Variants in PRAMEF14 observed in about 807,000 individuals in gnomAD.
The protein encoded by PRAMEF14 is PRAME family member 14.
PRAMEF14 carries 24 observed loss-of-function variants against 38.3 expected under a neutral mutation model. The observed-to-expected ratio is 0.63, with a 90% confidence interval of 0.45 to 0.88. The LOEUF is 0.88. PRAMEF14 is among the 40% of genes least tolerant of loss of function. PRAMEF14 has a pLI of 0.00. For synonymous variants in PRAMEF14, 194 were observed against 226.4 expected (o/e 0.86, Z 1.29); for missense variants, 477 against 570.8 (o/e 0.84, Z 1.67).
chr1:13,347,024 G>A (rs1227902872), intron 1 of PRAMEF14, 33 bp downstream of exon 1: 2 of 150,234 alleles, frequency 1.3e-5, no homozygotes, highest in Admixed American at 6.6e-5. Context: ...CTGCTGATCA[G>A]ATGGGCATGA....
rs780609214 is a variant in PRAMEF14, at chr1:13,342,483, T to A, written c.*45A>T. ...TAGTAGATTTTAGTGTCCCAGTGCCTGGAAGAGAACTTTGGATTTCTCTAC... is the reference window on the plus strand; with the variant it reads ...TAGTAGATTTTAGTGTCCCAGTGCCAGGAAGAGAACTTTGGATTTCTCTAC... On this transcript the variant is annotated 3_prime_UTR_variant, in exon 4 of 4. Transcript: ENST00000334600. 3.5e-5 allele frequency: 56 copies of A among 1,603,048 alleles called. 1 individual carries two copies. The highest frequency in any genetic ancestry group is 4.8e-5 in the Non-Finnish European group (56 of 1,175,478).
At position 13,342,714 on chromosome 1, in the gene PRAMEF14, A is replaced by G; in HGVS notation, c.1239T>C (p.Pro413=). The part of the protein sequence containing the change: ...GLSKLSLETY[P]APEESLNSLV... ...AGGAATTCAAACTCTCCTCAGGGGC[A>G]GGATACGTCTCCAGGCTTAACTTGC... is the stretch of plus-strand genomic sequence containing the variant. Residue 413 remains proline, a synonymous_variant, in exon 4 of 4, where the codon CCT becomes CCC. Coordinates refer to ENST00000334600, the MANE Select transcript of PRAMEF14 (RefSeq NM_001024661.2). The G allele has an allele frequency of 1.9e-6, 3 of 1,605,316 alleles. 1 individual carries two copies. The highest frequency in any genetic ancestry group is 2.5e-6 in the Non-Finnish European group (3 of 1,178,050).
In PRAMEF14 at chr1:13,342,898, T is replaced by C. The variant is rs1158301877; in HGVS notation, c.1055A>G (p.Glu352Gly). 1.4e-5 allele frequency: 22 copies of C among 1,607,796 alleles called. No individual in the cohort carries two copies. Among genetic ancestry groups the C allele is most frequent in the Non-Finnish European group, 1.9e-5 (22 of 1,178,168 alleles). Residue 352 changes from glutamate (E) to glycine (G), a missense_variant, in exon 4 of 4, where the codon GAA (glutamate) becomes GGA (glycine). Around this residue, in one of 4 missense-constraint regions of PRAMEF14, gnomAD observed 34 missense variants for 66.1 expected, o/e 0.51. Transcript: ENST00000334600. ...ALLEKIAASL[E>G]TLILEGCQIH... ...CTGACAGCCCTCCAAGATGAGGGTT[T>C]CGAGAGAGGCAGCAATTTTCTCTAG...
chr1:13,346,824 T>C (rs1416282104), intron 1 of PRAMEF14, among the ~76,000 whole-genome samples: 1 of 150,378 alleles, frequency 6.6e-6, no homozygotes, highest in African/African-American at 2.4e-5. Flanking sequence ...ATTTTTAATA[T>C]ATTTTTAAAA....
intron 1 of PRAMEF14, among the ~76,000 whole-genome samples, chr1:13,345,990 C>T (rs1251168327): frequency 3.3e-5 from 5 of 150,844 alleles, no homozygotes; most frequent in Admixed American, 2.6e-4. Context: ...AAAATGTTAG[C>T]CAGGTGTGGT....
chr1:13,343,959 G>A (rs1640366135), intron 3 of PRAMEF14, 79 bp downstream of exon 3: 1 of 1,594,560 alleles, frequency 6.3e-7, no homozygotes, highest in Non-Finnish European at 8.6e-7. Flanking sequence ...CTGGCACACA[G>A]TACACGCCTT....
At chr1:13,344,945 C>T (rs1353287209) in intron 2 of PRAMEF14, 83 bp downstream of exon 2, 8 of 1,523,930 alleles carry the variant, frequency 5.2e-6, no homozygotes, top group Non-Finnish European at 7.2e-6. Flanking sequence ...CTGGGCCACA[C>T]TTGGGCTACT....
chr1:13,346,506 T>A (rs1640406849), intron 1 of PRAMEF14, among the ~76,000 whole-genome samples: 2 of 149,060 alleles, frequency 1.3e-5, no homozygotes, highest in South Asian at 4.3e-4. Flanking sequence ...AAACTCCATC[T>A]CAAAAACTGT....
In PRAMEF14 at chr1:13,344,187, G is replaced by C; in HGVS notation, c.717C>G (p.Phe239Leu). Residue 239 changes from phenylalanine (F) to leucine (L), a missense_variant, in exon 3 of 4, where the codon TTC (phenylalanine) becomes TTG (leucine). Around this residue, in one of 4 missense-constraint regions of PRAMEF14, gnomAD observed 234 missense variants for 247.4 expected, o/e 0.95. Coordinates refer to ENST00000334600, the MANE Select transcript of PRAMEF14 (RefSeq NM_001024661.2). Reference protein sequence around the residue: ...KEMKNLRKLVFSRCHHSMSDN... With the variant: ...KEMKNLRKLVLSRCHHSMSDN... ...CTGACATGGAATGATGGCACCTGGAGAAAACGAGTTTGCGAAGATTCTTCA... is the reference window on the plus strand; with the variant it reads ...CTGACATGGAATGATGGCACCTGGACAAAACGAGTTTGCGAAGATTCTTCA... The C allele has an allele frequency of 6.2e-7, 1 of 1,608,302 alleles. No individual in the cohort carries two copies. Among genetic ancestry groups the C allele is most frequent in the African/African-American group, 1.3e-5 (1 of 74,860 alleles).
In PRAMEF14 at chr1:13,344,512, T is replaced by C; in HGVS notation, c.392A>G (p.Lys131Arg). 6.2e-7 allele frequency: 1 copy of C among 1,607,364 alleles called. No individual in the cohort carries two copies. Among genetic ancestry groups the C allele is most frequent in the Admixed American group, 1.7e-5 (1 of 59,830 alleles). Residue 131 changes from lysine to arginine, a missense_variant, in exon 3 of 4, where the codon AAG (lysine) becomes AGG (arginine). Transcript: ENST00000334600. ...TGGACAGTCCTCTGCTGTCTGCCTC[T>C]TACTCATGGTCTCTGGGAAGCAGGA... ...ALSCFPETMS[K>R]RQTAEDCPRM... is the part of the protein sequence containing the mutation.
At chr1:13,343,801 T>C (rs1263889296) in intron 3 of PRAMEF14, 3 of 1,463,412 alleles carry the variant, frequency 2.0e-6, no homozygotes, top group Admixed American at 2.2e-5. Context: ...AACTAGCTTG[T>C]ACATGATGTC....
At position 13,344,205 on chromosome 1, in the gene PRAMEF14, A is replaced by G; in HGVS notation, c.699T>C (p.Asn233=). The G allele has an allele frequency of 6.2e-7, 1 of 1,608,756 alleles. No homozygotes were observed. Among genetic ancestry groups the G allele is most frequent in the Middle Eastern group, 1.7e-4 (1 of 6,040 alleles). ...KLRCYLKEMK[N]LRKLVFSRCH... ...ACCTGGAGAAAACGAGTTTGCGAAGATTCTTCATCTCCTTCAGGTAACAAC... is the reference window on the plus strand; with the variant it reads ...ACCTGGAGAAAACGAGTTTGCGAAGGTTCTTCATCTCCTTCAGGTAACAAC... The change falls in exon 3 of 4, where the codon AAT becomes AAC. Residue 233 remains asparagine (N), a synonymous_variant. Transcript: ENST00000334600.
chr1:13,344,732 G>A (rs1424495650), intron 2 of PRAMEF14, 116 bp from the exon 3 acceptor site: 9 of 1,480,790 alleles, frequency 6.1e-6, no homozygotes, highest in Non-Finnish European at 7.3e-6. Context: ...TGTTCTCTTT[G>A]TCTTTTCTCA....
rs1253019591 is a variant in PRAMEF14 at position 13,343,083 on chromosome 1, G to A, written c.870C>T (p.Cys290=). ...FSGHLEQLIR[C]LQNPLENLEL... ...CCAAGTTCTCCAAGGGGTTCTGGAGGCACCTGTGGAGATCAAGAAGTTAGT... is the reference window on the plus strand; with the variant it reads ...CCAAGTTCTCCAAGGGGTTCTGGAGACACCTGTGGAGATCAAGAAGTTAGT... Residue 290 remains cysteine (C), a synonymous_variant, in exon 4 of 4, where the codon TGC becomes TGT. Coordinates refer to ENST00000334600, the MANE Select transcript of PRAMEF14 (RefSeq NM_001024661.2). 6 of 1,610,472 alleles carry A rather than the reference G, an allele frequency of 3.7e-6. No homozygotes were observed. The Admixed American group carries it at 8.4e-5, about 22-fold the overall frequency.
chr1:13,345,322 G>C lies in PRAMEF14; in HGVS notation c.-8C>G, dbSNP rs1217599095. 6.9e-6 allele frequency: 11 copies of C among 1,604,188 alleles called. No individual in the cohort carries two copies. The highest frequency in any genetic ancestry group is 6.7e-5 in the Admixed American group (4 of 59,810). ...TGGGGCCTGGATGCTCATCCTGATA[G>C]ATCTGCAAGAAAAATCTCTAGAAGA... is the stretch of plus-strand genomic sequence containing the variant. On this transcript the variant is annotated 5_prime_UTR_variant, in exon 2 of 4. In the 5' UTR this introduces an upstream ATG that the reference lacks. Coordinates refer to ENST00000334600, the MANE Select transcript of PRAMEF14 (RefSeq NM_001024661.2).
intron 1 of PRAMEF14, 40 bp from the exon 2 acceptor site, chr1:13,345,379 C>G: frequency 6.4e-7 from 1 of 1,561,868 alleles, no homozygotes. Flanking sequence ...ACTCTCATGG[C>G]AAACACAATC....
Position 13,342,745 on chromosome 1 carries a change from C to G in PRAMEF14, c.1208G>C (p.Gly403Ala). The part of the protein sequence containing the change: ...ALKDLLCHTS[G>A]LSKLSLETYP... ...CGTCTCCAGGCTTAACTTGCTCAGCCCACTGGTGTGGCACAACAGGTCCTT... is the reference window on the plus strand; with the variant it reads ...CGTCTCCAGGCTTAACTTGCTCAGCGCACTGGTGTGGCACAACAGGTCCTT... Residue 403 changes from glycine to alanine, a missense_variant, in exon 4 of 4, where the codon GGG becomes GCG. Gly to Ala is a moderately conservative substitution (Grantham distance 60, BLOSUM62 0). Coordinates refer to ENST00000334600, the MANE Select transcript of PRAMEF14 (RefSeq NM_001024661.2). The G allele has an allele frequency of 2.5e-6, 4 of 1,603,958 alleles. 1 individual carries two copies. Among genetic ancestry groups the G allele is most frequent in the Non-Finnish European group, 3.4e-6 (4 of 1,177,022 alleles).
At position 13,344,669 on chromosome 1, in the gene PRAMEF14, C is replaced by T. The variant is rs1401082957; in HGVS notation, c.288-53G>A. 384 of 1,601,700 alleles carry T rather than the reference C, an allele frequency of 2.4e-4. 73 individuals are homozygous for T. The East Asian group carries it at 8.9e-3, about 37-fold the overall frequency. On this transcript the variant is annotated intron_variant, in intron 2 of 3. Transcript: ENST00000334600. ...GAATTTAGAAGGACTCATCCCTGAC[C>T]TTTGCTTTCATTCTCATCCCATAAA... is the stretch of plus-strand genomic sequence containing the variant.
chr1:13,342,579 A>G lies in PRAMEF14; in HGVS notation c.1374T>C (p.Pro458=). The G allele has an allele frequency of 1.2e-6, 2 of 1,604,700 alleles. No individual in the cohort carries two copies. Among genetic ancestry groups the G allele is most frequent in the African/African-American group, 1.3e-5 (1 of 74,722 alleles). ...KRIFIGPTPC[P]SCGSSPSEEL... ...CCTCAGACGGTGATGAGCCACAGGA[A>G]GGGCAGGGGGTGGGACCAATGAAGA... The change falls in exon 4 of 4, where the codon CCT becomes CCC. Residue 458 remains proline, a synonymous_variant. Transcript: ENST00000334600.
Sources: allele counts gnomAD v4.1 joint callset (sites outside exome capture counted in the v4.1 genomes callset), GRCh38; gene constraint gnomAD v4.1.1; regional missense constraint gnomAD v4.1.1; transcripts MANE v1.5; gene names NCBI Gene and HGNC (gene_info 2026-07-23, HGNC 2026-07-21).